Variants in PCNX4 observed in about 807,000 individuals in gnomAD.
PCNX4 encodes pecanex-like protein 4.
In PCNX4, 103 loss-of-function variants were observed where a neutral mutation model predicts 107.2. The observed-to-expected ratio is 0.96, with a 90% CI of 0.82 to 1.13. PCNX4 has a LOEUF of 1.13. Among genes scored for constraint, PCNX4 ranks in the 50% most tolerant of loss-of-function variants. PCNX4 has a pLI of 0.00. For synonymous variants in PCNX4, 541 were observed against 481.7 expected (o/e 1.12, Z -1.61); for missense variants, 1,528 against 1,379.4 (o/e 1.11, Z -1.71).
intron 10 of PCNX4, among the ~76,000 whole-genome samples, chr14:60,131,171 A>T (rs1896148301): frequency 6.6e-6 from 1 of 152,230 alleles, no homozygotes; most frequent in African/African-American, 2.4e-5. Context: ...CTCTTCTTTA[A>T]GTCACCTAGT....
rs759301593 is a variant in PCNX4, at chr14:60,144,806, ATTAT to A, written c.*10592_*10595del. 1.1e-5 allele frequency: 7 copies of A among 653,240 alleles called. No homozygotes were observed. In the African/African-American group the frequency reaches 1.1e-4, roughly 10 times the overall value. 40.5% of individuals were successfully genotyped at this position (653,240 alleles called of 1,614,324 possible). On this transcript the variant is annotated 3_prime_UTR_variant, in exon 11 of 11. Transcript: ENST00000406854. The stretch of plus-strand genomic sequence containing the variant: ...TTTGCAAGATTCATGGCAATCTTTT[ATTAT>A]TTATTTTTTATTTCATTCCATGTTG...
At chr14:60,133,821 C>T in intron 10 of PCNX4, 149 bp from the exon 11 acceptor site, 1 of 751,956 alleles carries the variant, frequency 1.3e-6, no homozygotes, top group East Asian at 2.7e-5. Context: ...AACTTGTGTA[C>T]ATTTTTAAAC....
At position 60,124,463 on chromosome 14, in the gene PCNX4, T is replaced by C; in HGVS notation, c.2292T>C (p.Leu764=). The C allele has an allele frequency of 1.2e-6, 2 of 1,613,738 alleles. No individual in the cohort carries two copies. Among genetic ancestry groups the C allele is most frequent in the Non-Finnish European group, 8.5e-7 (1 of 1,179,738 alleles). The change falls in exon 9 of 11, where the codon CTT becomes CTC. Residue 764 remains leucine, a synonymous_variant. Coordinates refer to ENST00000406854, the MANE Select transcript of PCNX4 (RefSeq NM_001330177.2). The part of the protein sequence containing the change: ...KEFKGDLIKV[L]VWILVQYCSK... The stretch of plus-strand genomic sequence containing the variant: ...TTAAAGGTGACCTCATTAAAGTACT[T>C]GTGTGGATACTTGTTCAATACTGCT...
Position 60,136,746 on chromosome 14 carries a change from G to C in PCNX4, c.*2525G>C, listed in dbSNP as rs371423. 1 of 152,452 alleles carries C rather than the reference G, an allele frequency of 6.6e-6. No homozygotes were observed. The highest frequency in any genetic ancestry group is 6.6e-5 in the Admixed American group (1 of 15,266). 9.4% of individuals were successfully genotyped at this position (152,452 alleles called of 1,614,324 possible). A position where few individuals can be genotyped will look rare whatever the true frequency, so the allele number is the denominator to read the frequency against. ...CAGGATATTGATAAGATGCTCCCAT[G>C]ATGAGGTGGTTCTGGCCCTTGTTGT... On this transcript the variant is annotated 3_prime_UTR_variant, in exon 11 of 11. Transcript: ENST00000406854.
At position 60,136,357 on chromosome 14, in the gene PCNX4, G is replaced by A. The variant is rs1349944673; in HGVS notation, c.*2136G>A. 1.3e-5 allele frequency: 2 copies of A among 152,040 alleles called. No individual in the cohort carries two copies. The highest frequency in any genetic ancestry group is 4.8e-5 in the African/African-American group (2 of 41,362). 9.4% of individuals were successfully genotyped at this position (152,040 alleles called of 1,614,324 possible). On this transcript the variant is annotated 3_prime_UTR_variant, in exon 11 of 11. Coordinates refer to ENST00000406854, the MANE Select transcript of PCNX4 (RefSeq NM_001330177.2). ...AACAATTGATTCTAGGCCCCCCTTT[G>A]TGTTTCTGCAATCACCATAGATAAT...
chr14:60,118,627 A>G lies in PCNX4; in HGVS notation c.1877A>G (p.Tyr626Cys). The G allele has an allele frequency of 6.2e-7, 1 of 1,613,594 alleles. No homozygotes were observed. The highest frequency in any genetic ancestry group is 8.5e-7 in the Non-Finnish European group (1 of 1,179,694). ...GCCTGTGTGTGTGCAGATACAGTGT[A>G]CTACTACCAAATGGTGCCCAGGTTG... ...TTACVCADTV[Y>C]YYQMVPRLTA... The change falls in exon 7 of 11, where the codon TAC becomes TGC. Residue 626 changes from tyrosine (Y) to cysteine (C), a missense_variant. Coordinates refer to ENST00000406854, the MANE Select transcript of PCNX4 (RefSeq NM_001330177.2).
At chr14:60,121,584 ATT>A (rs60400453) in intron 8 of PCNX4, among the ~76,000 whole-genome samples, 3 of 151,386 alleles carry the variant, frequency 2.0e-5, no homozygotes, top group African/African-American at 7.3e-5. Flanking sequence ...TGAATCAGTA[ATT>A]TTTTTTTAAC....
intron 2 of PCNX4, chr14:60,110,154 AGAAACACTGCCAGTTT>A (rs1566932493): frequency 6.0e-6 from 1 of 167,176 alleles, no homozygotes; most frequent in Non-Finnish European, 1.5e-5. Context: ...TTATGTGAGT[AGAAACACTGCCAGTTT>A]GAATTGAAGT....
chr14:60,145,307 C>T lies in PCNX4; in HGVS notation c.*11086C>T. ...GACTTTTCTGGATCAGCATATCATA[C>T]CTACACTGACTTGCCCTAATAAATA... is the stretch of plus-strand genomic sequence containing the variant. On this transcript the variant is annotated 3_prime_UTR_variant, in exon 11 of 11. Coordinates refer to ENST00000406854, the MANE Select transcript of PCNX4 (RefSeq NM_001330177.2). This position sits in a 1 kb window ranked among gnomAD's most constrained non-coding sequence, Gnocchi z 4.0. 4.4e-6 allele frequency: 1 copy of T among 226,220 alleles called. No individual in the cohort carries two copies. The highest frequency in any genetic ancestry group is 5.6e-5 in the Admixed American group (1 of 17,910). 14.0% of individuals were successfully genotyped at this position (226,220 alleles called of 1,614,324 possible).
intron 7 of PCNX4, among the ~76,000 whole-genome samples, chr14:60,119,151 A>C (rs1895907708): frequency 6.6e-6 from 1 of 152,186 alleles, no homozygotes; most frequent in Non-Finnish European, 1.5e-5. Context: ...CAGAGACTTA[A>C]GCAGTCTGGA....
chr14:60,115,549 T>C, intron 4 of PCNX4, 88 bp downstream of exon 4: 2 of 1,432,404 alleles, frequency 1.4e-6, no homozygotes. Flanking sequence ...ATTTGTGTGG[T>C]ATTATACCAT....
rs775152643 is a variant in PCNX4 at position 60,124,640 on chromosome 14, T to C, written c.2469T>C (p.Asp823=). 1.1e-5 allele frequency: 17 copies of C among 1,613,734 alleles called. No homozygotes were observed. Among genetic ancestry groups the C allele is most frequent in the Admixed American group, 3.3e-5 (2 of 59,998 alleles). ...CAGAAACTTTTAATGACTGGTCTGA[T>C]GATAATATTTTTGATGATGAGCCAA... ...LNSETFNDWS[D]DNIFDDEPTI... Residue 823 remains aspartate (D), a synonymous_variant, in exon 9 of 11, where the codon GAT becomes GAC. Coordinates refer to ENST00000406854, the MANE Select transcript of PCNX4 (RefSeq NM_001330177.2).
chr14:60,144,908 G>T lies in PCNX4; in HGVS notation c.*10687G>T. 7.4e-7 allele frequency: 1 copy of T among 1,356,154 alleles called. No individual in the cohort carries two copies. The highest frequency in any genetic ancestry group is 1.1e-6 in the Non-Finnish European group (1 of 949,128). The allele number at this position is 1,356,154 out of a possible 1,614,324, so 84.0% of individuals were successfully genotyped here. ...GATTATTCAGAAGCATAAGAAGATTGCTGTTTTCATGTTTTCCATTTCTCC... is the reference window on the plus strand; with the variant it reads ...GATTATTCAGAAGCATAAGAAGATTTCTGTTTTCATGTTTTCCATTTCTCC... On this transcript the variant is annotated 3_prime_UTR_variant, in exon 11 of 11. Coordinates refer to ENST00000406854, the MANE Select transcript of PCNX4 (RefSeq NM_001330177.2).
intron 8 of PCNX4, 150 bp downstream of exon 8, chr14:60,121,449 T>G (rs1318904533): frequency 8.7e-6 from 7 of 808,618 alleles, no homozygotes; most frequent in Non-Finnish European, 1.3e-5. Flanking sequence ...TATATTTCAA[T>G]AAGCACATGT....
intron 1 of PCNX4, among the ~76,000 whole-genome samples, chr14:60,094,204 C>G (rs149016606): frequency 6.9e-4 from 105 of 152,202 alleles, no homozygotes; most frequent in African/African-American, 2.5e-3. Flanking sequence ...TCTCACTTGT[C>G]TTGTGAAAGG....
chr14:60,124,396 T>A lies in PCNX4; in HGVS notation c.2225T>A (p.Val742Asp). The A allele has an allele frequency of 6.2e-7, 1 of 1,613,538 alleles. No individual in the cohort carries two copies. Among genetic ancestry groups the A allele is most frequent in the African/African-American group, 1.3e-5 (1 of 75,010 alleles). ...PVKLYSDARNVLSGIIDSHEN... is the reference protein window; with the variant it reads ...PVKLYSDARNDLSGIIDSHEN... ...AAATTGTATTCTGATGCCAGGAATG[T>A]TCTATCAGGCATAATTGATTCTCAT... Residue 742 changes from valine (V) to aspartate (D), a missense_variant, in exon 9 of 11, where the codon GTT (valine) becomes GAT (aspartate). By Grantham distance (152) the Val-to-Asp change is radical. Transcript: ENST00000406854.
At chr14:60,123,997 A>G (rs1164060612) in intron 8 of PCNX4, among the ~76,000 whole-genome samples, 1 of 152,122 alleles carries the variant, frequency 6.6e-6, no homozygotes, top group Non-Finnish European at 1.5e-5. Context: ...TTTCCATAAT[A>G]TTTTAAAAAA....
intron 10 of PCNX4, among the ~76,000 whole-genome samples, chr14:60,128,969 T>C (rs1896105130): frequency 6.6e-6 from 1 of 152,124 alleles, no homozygotes; most frequent in Non-Finnish European, 1.5e-5. Context: ...TCCCAGCACT[T>C]TGGGAGGCCG....
rs1286126935 is a variant in PCNX4, at chr14:60,139,949, C to A, written c.*5728C>A. On this transcript the variant is annotated 3_prime_UTR_variant, in exon 11 of 11. Transcript: ENST00000406854. ...AAGGAAATTTATAGTCTTAAACGCA[C>A]ATTAAAAAAAAAAGATTGAAAATGA... 5 of 133,064 alleles carry A rather than the reference C, an allele frequency of 3.8e-5. No homozygotes were observed. Among genetic ancestry groups the A allele is most frequent in the Non-Finnish European group, 6.2e-5 (4 of 65,034 alleles). 8.2% of individuals were successfully genotyped at this position (133,064 alleles called of 1,614,324 possible).
Sources: allele counts gnomAD v4.1 joint callset (sites outside exome capture counted in the v4.1 genomes callset), GRCh38; gene constraint gnomAD v4.1.1; non-coding constraint Gnocchi (gnomAD v3.1); transcripts MANE v1.5; gene names NCBI Gene and HGNC (gene_info 2026-07-23, HGNC 2026-07-21).